The following RIPOR3 variants were observed in gnomAD, a reference collection of about 807,000 sequenced individuals.
RIPOR3 encodes family with sequence similarity 65 member C.
In RIPOR3, 95 loss-of-function variants were observed where a neutral mutation model predicts 114.3. The ratio of observed to expected loss-of-function variants is 0.83; its 90% CI spans 0.70 to 0.99. The LOEUF (loss-of-function observed/expected upper bound fraction) is 0.99, where lower values mean the gene tolerates loss of function less well. Ranked by LOEUF, RIPOR3 falls within the 50% of genes least tolerant of loss-of-function variation. The pLI is 0.00. For missense variants in RIPOR3, 1,252 were observed against 1,266.9 expected, an observed-to-expected ratio of 0.99 and a Z score of 0.18; for synonymous variants, 575 against 543.8, an observed-to-expected ratio of 1.06 and a Z score of -0.80.
chr20:50,587,449 C>T lies in RIPOR3; in HGVS notation c.2753-117G>A, dbSNP rs1476742231. On this transcript the variant is annotated intron_variant, in intron 21 of 21. Coordinates refer to ENST00000327979, the MANE Select transcript of RIPOR3 (RefSeq NM_001290268.2). The stretch of plus-strand genomic sequence containing the variant: ...GTGGGTCTCAGTGGTCTCTGCAAAG[C>T]GGCAGGGGAGGGAGTATGTGCGGGA... 13 of 838,932 alleles carry T rather than the reference C, an allele frequency of 1.5e-5. 1 individual carries two copies. Among genetic ancestry groups the T allele is most frequent in the South Asian group, 2.9e-5 (2 of 68,882 alleles). The allele number at this position is 838,932 out of a possible 1,614,324, so 52.0% of individuals were successfully genotyped here.
At chr20:50,632,906 C>T (rs1436909595) in intron 1 of RIPOR3, among the ~76,000 whole-genome samples, 2 of 152,156 alleles carry the variant, frequency 1.3e-5, no homozygotes, top group East Asian at 1.9e-4. Context: ...TTGCCCCTGC[C>T]CCCATAAAGA....
At chr20:50,620,951 A>G (rs2084379838) in intron 2 of RIPOR3, 2 of 530,008 alleles carry the variant, frequency 3.8e-6, no homozygotes, top group South Asian at 3.4e-5. Context: ...GAAGGTCTCC[A>G]AGGACAAACA....
At chr20:50,592,097 C>T (rs1370914052) in intron 19 of RIPOR3, among the ~76,000 whole-genome samples, 1 of 152,152 alleles carries the variant, frequency 6.6e-6, no homozygotes, top group Non-Finnish European at 1.5e-5. Context: ...AACAGACAGA[C>T]AAAAAACGCA....
rs568271226 is a variant in RIPOR3, at chr20:50,591,567, A to G, written c.2577+777T>C. Among the ~76,000 whole-genome samples, 10 of 152,346 alleles carry G rather than the reference A, an allele frequency of 6.6e-5. No homozygotes were observed. The South Asian group carries it at 1.0e-3, about 16-fold the overall frequency. Reference sequence around the variant, plus strand: ...TGGGCTCCAAGAAGGGCTATTGGCAATGGAACTGGAGATTTCCTCTCTAGT... The same window carrying G: ...TGGGCTCCAAGAAGGGCTATTGGCAGTGGAACTGGAGATTTCCTCTCTAGT... On this transcript the variant is annotated intron_variant, in intron 19 of 21. Transcript: ENST00000327979.
At chr20:50,663,315 A>G (rs554804917) in intron 1 of RIPOR3, among the ~76,000 whole-genome samples, 93 of 152,142 alleles carry the variant, frequency 6.1e-4, no homozygotes, top group African/African-American at 2.1e-3. Flanking sequence ...GCTGGCTACA[A>G]CGTGCTTAAT....
At chr20:50,647,609 A>T (rs2123374698) in intron 1 of RIPOR3, among the ~76,000 whole-genome samples, 1 of 150,860 alleles carries the variant, frequency 6.6e-6, no homozygotes, top group Non-Finnish European at 1.5e-5. Context: ...CAGCCTCCCA[A>T]GTAGCTGGGA....
chr20:50,666,747 A>G (rs903742326), intron 1 of RIPOR3, among the ~76,000 whole-genome samples: 3 of 150,652 alleles, frequency 2.0e-5, no homozygotes, highest in African/African-American at 7.3e-5. Context: ...TTTTTGTAGC[A>G]ATGGGGTTTC....
chr20:50,636,828 G>A (rs1214515188), intron 1 of RIPOR3: 6 of 985,288 alleles, frequency 6.1e-6, no homozygotes, highest in Middle Eastern at 5.2e-4. Context: ...CCTCCCCACC[G>A]CCAGCCAGAG....
intron 1 of RIPOR3, among the ~76,000 whole-genome samples, chr20:50,650,976 T>C (rs1600685135): frequency 6.6e-6 from 1 of 151,926 alleles, no homozygotes; most frequent in African/African-American, 2.4e-5. Context: ...CTTTTTGTTT[T>C]TTGTTTTTTT....
chr20:50,614,541 G>A (rs1372931072), intron 4 of RIPOR3: 1 of 170,040 alleles, frequency 5.9e-6, no homozygotes, highest in Non-Finnish European at 1.5e-5. Flanking sequence ...TTTTCTCAAG[G>A]CAGCAGCGGA....
chr20:50,616,624 G>T (rs1476122368), intron 3 of RIPOR3, among the ~76,000 whole-genome samples: 1 of 152,088 alleles, frequency 6.6e-6, no homozygotes, highest in Non-Finnish European at 1.5e-5. Context: ...GATTACAGGG[G>T]TGAGCTACCG....
chr20:50,590,007 ATT>A (rs985800860), intron 19 of RIPOR3: 2 of 418,624 alleles, frequency 4.8e-6, no homozygotes, highest in African/African-American at 4.0e-5. Context: ...GAAGAAAGCT[ATT>A]TTTGTCTAAT....
chr20:50,608,804 C>T, intron 9 of RIPOR3, 66 bp from the exon 10 acceptor site: 1 of 1,612,298 alleles, frequency 6.2e-7, no homozygotes, highest in South Asian at 1.1e-5. Context: ...CCGCCCAGGG[C>T]CCTCCCTGCC....
chr20:50,614,711 G>T (rs570912457), intron 4 of RIPOR3: 1 of 170,212 alleles, frequency 5.9e-6, no homozygotes, highest in African/African-American at 2.4e-5. Context: ...ATGTCCCAAA[G>T]ATTACATGGG....
chr20:50,658,905 T>C (rs1413533262), intron 1 of RIPOR3, among the ~76,000 whole-genome samples: 1 of 152,132 alleles, frequency 6.6e-6, no homozygotes, highest in Non-Finnish European at 1.5e-5. Flanking sequence ...CAAATTCTGG[T>C]GGACCTGGGA....
chr20:50,633,985 T>C lies in RIPOR3; in HGVS notation c.4-3129A>G, dbSNP rs73121730. 9.9e-4 allele frequency among the ~76,000 whole-genome samples: 108 copies of C among 108,544 alleles called. 1 individual carries two copies. The highest frequency in any genetic ancestry group is 1.9e-3 in the East Asian group (8 of 4,308). 71.2% of individuals were successfully genotyped at this position (108,544 alleles called of 152,430 possible). On this transcript the variant is annotated intron_variant, in intron 1 of 21. Transcript: ENST00000327979. ...TTTCCTTCTTTCTTTCTTTTCTTTT[T>C]TTTTTTTTTTTTTTTAGACAGGGTC...
intron 13 of RIPOR3, among the ~76,000 whole-genome samples, chr20:50,599,048 A>G (rs2083401409): frequency 6.6e-6 from 1 of 152,154 alleles, no homozygotes. Context: ...TTATCAACTC[A>G]GCAATGCAGA....
intron 1 of RIPOR3, among the ~76,000 whole-genome samples, chr20:50,659,663 A>G (rs1367355661): frequency 6.6e-6 from 1 of 151,750 alleles, no homozygotes; most frequent in Non-Finnish European, 1.5e-5. Context: ...AAAAAAAAAA[A>G]AAAAATTCTA....
intron 1 of RIPOR3, among the ~76,000 whole-genome samples, chr20:50,658,954 G>T (rs67597606): frequency 0.11 from 16,500 of 152,128 alleles, 1,093 homozygotes; most frequent in East Asian, 0.2. Context: ...GGTGGCAGAT[G>T]GAGTTAGCAA....
Sources: allele counts gnomAD v4.1 joint callset (sites outside exome capture counted in the v4.1 genomes callset), GRCh38; gene constraint gnomAD v4.1.1; transcripts MANE v1.5; gene names NCBI Gene and HGNC (gene_info 2026-07-23, HGNC 2026-07-21).